PAX5: variants seen among roughly 807,000 people sequenced by gnomAD.
PAX5 encodes the protein paired box 5, also known as paired box protein Pax-5.
PAX5 carries 9 observed loss-of-function variants against 43.7 expected under a neutral mutation model. The ratio of observed to expected loss-of-function variants is 0.21; its 90% CI spans 0.12 to 0.36. The LOEUF (loss-of-function observed/expected upper bound fraction) is 0.36, where lower values mean the gene tolerates loss of function less well. PAX5 is among the 10% of genes least tolerant of loss of function. The pLI, the probability that PAX5 is intolerant of heterozygous loss-of-function variation, is 1.00. For synonymous variants in PAX5, 228 were observed against 214.3 expected (o/e 1.06, Z -0.56); for missense variants, 383 against 532.7 (o/e 0.72, Z 2.77).
intron 2 of PAX5, among the ~76,000 whole-genome samples, chr9:37,020,080 T>C (rs748967975): frequency 2.8e-5 from 4 of 145,184 alleles, no homozygotes; most frequent in African/African-American, 5.1e-5. Flanking sequence ...AATGTCATAT[T>C]TGAAAGTTGG....
At position 36,950,704 on chromosome 9, in the gene PAX5, A is replaced by G. The variant is rs1195834544; in HGVS notation, c.780+15845T>C. On this transcript the variant is annotated intron_variant, in intron 6 of 9. Coordinates refer to ENST00000358127, the MANE Select transcript of PAX5 (RefSeq NM_016734.3). ...TCTCCACAGGAGCCCTTTTGAGATC[A>G]GATCACATTCTTGCATATCCACTGA... is the stretch of plus-strand genomic sequence containing the variant. Among the ~76,000 whole-genome samples the G allele has an allele frequency of 9.3e-5, 14 of 151,042 alleles. 1 individual carries two copies. Among genetic ancestry groups the G allele is most frequent in the Non-Finnish European group, 5.9e-5 (4 of 67,892 alleles).
intron 8 of PAX5, among the ~76,000 whole-genome samples, chr9:36,875,605 G>A (rs1825844287): frequency 6.6e-6 from 1 of 152,118 alleles, no homozygotes; most frequent in Non-Finnish European, 1.5e-5. Flanking sequence ...CGGATTACAT[G>A]GCAGAGGGGA....
intron 5 of PAX5, among the ~76,000 whole-genome samples, chr9:36,994,862 C>T (rs1378438626): frequency 6.6e-6 from 1 of 152,198 alleles, no homozygotes; most frequent in Non-Finnish European, 1.5e-5. Flanking sequence ...ATCATCAATA[C>T]AGGGCAAGCC....
chr9:36,879,386 T>C (rs1826199797), intron 8 of PAX5, among the ~76,000 whole-genome samples: 2 of 152,288 alleles, frequency 1.3e-5, no homozygotes, highest in Admixed American at 1.3e-4. Flanking sequence ...GGGTTTCCAG[T>C]GGGGGGCTGA....
intron 9 of PAX5, among the ~76,000 whole-genome samples, chr9:36,845,997 G>A (rs575254697): frequency 6.6e-6 from 1 of 152,228 alleles, no homozygotes; most frequent in African/African-American, 2.4e-5. Flanking sequence ...GCTGGGGGAG[G>A]GCTCCATGTT....
intron 3 of PAX5, among the ~76,000 whole-genome samples, chr9:37,012,382 C>T (rs73646309): frequency 0.028 from 4,213 of 152,256 alleles, 180 homozygotes; most frequent in African/African-American, 0.092. Flanking sequence ...TCCATCTTGG[C>T]CTCTGTTGCT....
At chr9:36,983,869 T>G (rs1005082455) in intron 5 of PAX5, among the ~76,000 whole-genome samples, 1 of 152,236 alleles carries the variant, frequency 6.6e-6, no homozygotes, top group South Asian at 2.1e-4. Flanking sequence ...CTTCCTAATT[T>G]GTCTTGCTAA....
intron 9 of PAX5, among the ~76,000 whole-genome samples, chr9:36,841,348 T>C (rs544598712): frequency 1.3e-5 from 2 of 152,332 alleles, no homozygotes; most frequent in African/African-American, 2.4e-5. Flanking sequence ...CATGCTAGCA[T>C]ACTCTCCTGC....
At chr9:36,921,307 A>G (rs901197384) in intron 7 of PAX5, among the ~76,000 whole-genome samples, 3 of 152,172 alleles carry the variant, frequency 2.0e-5, no homozygotes, top group African/African-American at 7.2e-5. Context: ...TTTCTGCAGA[A>G]CACTCTCCTC....
intron 6 of PAX5, among the ~76,000 whole-genome samples, chr9:36,925,563 T>C (rs1439414412): frequency 6.6e-6 from 1 of 152,190 alleles, no homozygotes; most frequent in Non-Finnish European, 1.5e-5. Flanking sequence ...GGATGGACTC[T>C]TTAATAAACA....
chr9:36,959,061 T>C (rs1833737428), intron 6 of PAX5, among the ~76,000 whole-genome samples: 1 of 152,232 alleles, frequency 6.6e-6, no homozygotes, highest in Non-Finnish European at 1.5e-5. Context: ...CCATGGCTCC[T>C]GTGATGCAGA....
At chr9:36,862,291 A>C (rs1824293315) in intron 8 of PAX5, among the ~76,000 whole-genome samples, 2 of 152,180 alleles carry the variant, frequency 1.3e-5, no homozygotes, top group South Asian at 4.1e-4. Flanking sequence ...GCCACACACC[A>C]GGAATGCAGG....
intron 6 of PAX5, among the ~76,000 whole-genome samples, chr9:36,925,788 G>A (rs949334745): frequency 6.6e-6 from 1 of 152,168 alleles, no homozygotes; most frequent in Non-Finnish European, 1.5e-5. Flanking sequence ...GGATGCTCAC[G>A]CAGAGTTCCT....
chr9:37,012,280 C>T (rs1838995956), intron 3 of PAX5, among the ~76,000 whole-genome samples: 1 of 152,196 alleles, frequency 6.6e-6, no homozygotes, highest in Admixed American at 6.5e-5. Context: ...TCCTACAGGG[C>T]AGTGGTGGAA....
chr9:36,852,113 G>T (rs913332356), intron 8 of PAX5, among the ~76,000 whole-genome samples: 3 of 152,194 alleles, frequency 2.0e-5, no homozygotes, highest in Non-Finnish European at 2.9e-5. Flanking sequence ...ATGACTTCAC[G>T]TTTGCAGATG....
In PAX5 at chr9:36,966,655, C is replaced by T. The variant is rs749999635; in HGVS notation, c.674G>A (p.Arg225Gln). 5 of 1,614,236 alleles carry T rather than the reference C, an allele frequency of 3.1e-6. No homozygotes were observed. The highest frequency in any genetic ancestry group is 3.3e-4 in the Middle Eastern group (2 of 6,062). ...CTGCTGCTGTGTGAACAAGTCTCCCCGCATCTGCTTCCGGAGGAAGTCTCT... is the reference window on the plus strand; with the variant it reads ...CTGCTGCTGTGTGAACAAGTCTCCCTGCATCTGCTTCCGGAGGAAGTCTCT... ...PGRDFLRKQM[R>Q]GDLFTQQQLE... The change falls in exon 6 of 10, where the codon CGG (arginine) becomes CAG (glutamine). Residue 225 changes from arginine to glutamine, a missense_variant. Transcript: ENST00000358127.
At chr9:36,974,362 G>A (rs189515836) in intron 5 of PAX5, among the ~76,000 whole-genome samples, 51 of 152,242 alleles carry the variant, frequency 3.3e-4, no homozygotes, top group African/African-American at 1.2e-3. Flanking sequence ...TTCTCACCCC[G>A]GATAGAGCGC....
At chr9:36,913,887 A>G (rs1406568381) in intron 7 of PAX5, among the ~76,000 whole-genome samples, 3 of 152,084 alleles carry the variant, frequency 2.0e-5, no homozygotes, top group Non-Finnish European at 4.4e-5. Flanking sequence ...GAAGGTTCTG[A>G]GTGTCCCTTG....
chr9:36,991,804 G>A (rs1436862022), intron 5 of PAX5, among the ~76,000 whole-genome samples: 3 of 151,772 alleles, frequency 2.0e-5, no homozygotes, highest in South Asian at 2.1e-4. Flanking sequence ...CATCACTTTC[G>A]TCCTCCACTG....
Sources: allele counts gnomAD v4.1 joint callset (sites outside exome capture counted in the v4.1 genomes callset), GRCh38; gene constraint gnomAD v4.1.1; transcripts MANE v1.5; gene names NCBI Gene and HGNC (gene_info 2026-07-23, HGNC 2026-07-21).